Variants in DGCR8 observed in about 807,000 individuals in gnomAD.
The protein encoded by DGCR8 is microprocessor complex subunit DGCR8.
In DGCR8, 14 loss-of-function variants were observed where a neutral mutation model predicts 78.5. That is an observed-to-expected ratio of 0.18 (90% CI 0.12 to 0.28). DGCR8 has a LOEUF of 0.28. DGCR8 is among the 10% of genes least tolerant of loss of function. The probability of loss-of-function intolerance (pLI) is 1.00; values close to 1 mark genes in which losing one functional copy is unlikely to be tolerated. For synonymous variants in DGCR8, 399 were observed against 402.4 expected (o/e 0.99, Z 0.10); for missense variants, 702 against 1,022.5 (o/e 0.69, Z 4.28).
At chr22:20,084,219 C>G (rs991330769) in intron 1 of DGCR8, among the ~76,000 whole-genome samples, 18 of 152,268 alleles carry the variant, frequency 1.2e-4, no homozygotes, top group Admixed American at 1.1e-3. Flanking sequence ...ATGCCTTGTC[C>G]CTTGTTAAAT....
chr22:20,099,634 C>G (rs2049671295), intron 9 of DGCR8, among the ~76,000 whole-genome samples: 1 of 152,210 alleles, frequency 6.6e-6, no homozygotes, highest in Non-Finnish European at 1.5e-5. Flanking sequence ...TGTTGAAAGC[C>G]TTTCTTTAGT....
intron 3 of DGCR8, among the ~76,000 whole-genome samples, chr22:20,088,298 G>A (rs1315526607): frequency 6.6e-6 from 1 of 152,158 alleles, no homozygotes; most frequent in Non-Finnish European, 1.5e-5. Context: ...TCTTGACCTC[G>A]GGGCCTCTAG....
chr22:20,091,679 T>C lies in DGCR8; in HGVS notation c.1504+47T>C, dbSNP rs748345591. 3.1e-6 allele frequency: 5 copies of C among 1,601,792 alleles called. No homozygotes were observed. In the African/African-American group the frequency reaches 6.7e-5, roughly 21 times the overall value. On this transcript the variant is annotated intron_variant, in intron 6 of 13. Coordinates refer to ENST00000351989, the MANE Select transcript of DGCR8 (RefSeq NM_022720.7). Reference sequence around the variant, plus strand: ...CATCAGCAGACTGGTTATGCTGTTATTTCTAATGTGATGTGTTGAGGGCAT... The same window carrying C: ...CATCAGCAGACTGGTTATGCTGTTACTTCTAATGTGATGTGTTGAGGGCAT...
chr22:20,102,589 G>A (rs2049716520), intron 9 of DGCR8, among the ~76,000 whole-genome samples: 1 of 152,186 alleles, frequency 6.6e-6, no homozygotes, highest in Admixed American at 6.5e-5. Flanking sequence ...TGTGGCAGGT[G>A]CACGCTTATG....
At chr22:20,101,873 G>T in intron 9 of DGCR8, 3 of 985,412 alleles carry the variant, frequency 3.0e-6, no homozygotes, top group Non-Finnish European at 3.6e-6. Context: ...GACTCCGGAG[G>T]TGGGGTTGAC....
At chr22:20,105,562 A>T (rs1309182078) in intron 9 of DGCR8, among the ~76,000 whole-genome samples, 1 of 152,180 alleles carries the variant, frequency 6.6e-6, no homozygotes, top group Non-Finnish European at 1.5e-5. Context: ...CACTGTGTGG[A>T]ATCTCCCCAT....
chr22:20,111,234 G>T lies in DGCR8; in HGVS notation c.*1126G>T, dbSNP rs1602502042. 1 of 398,902 alleles carries T rather than the reference G, an allele frequency of 2.5e-6. No homozygotes were observed. The highest frequency in any genetic ancestry group is 3.6e-5 in the East Asian group (1 of 28,066). The allele number at this position is 398,902 out of a possible 1,614,324, so 24.7% of individuals were successfully genotyped here. A position where few individuals can be genotyped will look rare whatever the true frequency, so the allele number is the denominator to read the frequency against. ...TCTGAGGCACCAGGGTGTGCTCAAA[G>T]GCTGGCCCTGGTGGTGGACTGGCAC... is the stretch of plus-strand genomic sequence containing the variant. On this transcript the variant is annotated 3_prime_UTR_variant, in exon 14 of 14. Transcript: ENST00000351989.
In DGCR8 at chr22:20,085,143, C is replaced by T. The variant is rs1318049639; in HGVS notation, c.-277-544C>T. On this transcript the variant is annotated intron_variant, in intron 1 of 13. Coordinates refer to ENST00000351989, the MANE Select transcript of DGCR8 (RefSeq NM_022720.7). The surrounding 1 kb of genome is among the most constrained non-coding windows in gnomAD (Gnocchi z 6.2). ...CATCACTGTCCCCGTCCACGTGCTA[C>T]CCTGTGGGCCCAGGAGAGCCCTGGG... The T allele has an allele frequency of 4.4e-6, 3 of 684,544 alleles. No individual in the cohort carries two copies. In the African/African-American group the frequency reaches 5.8e-5, roughly 13 times the overall value. 42.4% of individuals were successfully genotyped at this position (684,544 alleles called of 1,614,324 possible).
chr22:20,088,408 G>A (rs1037260997), intron 3 of DGCR8, among the ~76,000 whole-genome samples: 5 of 152,214 alleles, frequency 3.3e-5, no homozygotes, highest in African/African-American at 1.2e-4. Context: ...TGGCCTGGAT[G>A]CCTGGATGTT....
intron 12 of DGCR8, 115 bp downstream of exon 12, chr22:20,107,513 G>A (rs2049784849): frequency 7.4e-7 from 1 of 1,349,224 alleles, no homozygotes; most frequent in Non-Finnish European, 1.0e-6. Context: ...GCTCACAGCT[G>A]CCTCTCTCCT....
chr22:20,109,144 T>A, intron 13 of DGCR8, 141 bp downstream of exon 13: 1 of 581,046 alleles, frequency 1.7e-6, no homozygotes, highest in Non-Finnish European at 3.1e-6. Context: ...AGATACAGGC[T>A]TTTCTTTGAG....
intron 11 of DGCR8, 122 bp from the exon 12 acceptor site, chr22:20,107,149 C>G: frequency 2.8e-6 from 3 of 1,086,898 alleles, no homozygotes; most frequent in South Asian, 2.6e-5. Flanking sequence ...GCTGCCTATT[C>G]CTGTAGAATG....
Position 20,089,896 on chromosome 22 carries a change from G to T in DGCR8, c.1024-80G>T. ...TCCACACACATGGCACCGCAGCCAA[G>T]CAGAGGCCGGTGAAAGGCATCAGAG... On this transcript the variant is annotated intron_variant, in intron 4 of 13. Transcript: ENST00000351989. This position sits in a 1 kb window ranked among gnomAD's most constrained non-coding sequence, Gnocchi z 4.9. The T allele has an allele frequency of 6.3e-7, 1 of 1,589,634 alleles. No individual in the cohort carries two copies. Among genetic ancestry groups the T allele is most frequent in the Non-Finnish European group, 8.6e-7 (1 of 1,165,702 alleles).
Position 20,090,273 on chromosome 22 carries a change from G to T in DGCR8, c.1306+15G>T. 1 of 1,576,968 alleles carries T rather than the reference G, an allele frequency of 6.3e-7. No homozygotes were observed. The highest frequency in any genetic ancestry group is 1.2e-5 in the South Asian group (1 of 85,544). On this transcript the variant is annotated intron_variant, in intron 5 of 13. Transcript: ENST00000351989. ...TGAATCCGTTGGTGAGTTTTTGAAG[G>T]ACTCTTCCCTTCTTGCCTCCTGGGA...
At chr22:20,099,592 C>T (rs1049811994) in intron 9 of DGCR8, among the ~76,000 whole-genome samples, 1 of 152,188 alleles carries the variant, frequency 6.6e-6, no homozygotes, top group Non-Finnish European at 1.5e-5. Flanking sequence ...TAGCAAGACT[C>T]GTTGTCTTTC....
chr22:20,081,744 T>G (rs2049420619), intron 1 of DGCR8, among the ~76,000 whole-genome samples: 1 of 152,158 alleles, frequency 6.6e-6, no homozygotes, highest in Non-Finnish European at 1.5e-5. Flanking sequence ...CTTCCATATC[T>G]CCATGTGTTA....
intron 11 of DGCR8, 54 bp downstream of exon 11, chr22:20,106,752 T>A: frequency 7.9e-7 from 1 of 1,271,264 alleles, no homozygotes; most frequent in South Asian, 1.2e-5. Flanking sequence ...GCCCCTGGTG[T>A]GGCCCTGCGC....
rs866121195 is a variant in DGCR8 at position 20,091,449 on chromosome 22, C to T, written c.1321C>T (p.Arg441Ter). Residue 441 changes from arginine to a stop codon, truncating the protein, a stop_gained, in exon 6 of 14, where the codon CGA becomes TGA. Coordinates refer to ENST00000351989, the MANE Select transcript of DGCR8 (RefSeq NM_022720.7). LOFTEE classifies it high-confidence loss of function. ...KDESVDLEEF[R>*]SYLEKRFDFE... The stretch of plus-strand genomic sequence containing the variant: ...ATCTGGGACAGATCTCGAGGAATTT[C>T]GAAGCTACCTGGAGAAGCGTTTTGA... The T allele has an allele frequency of 1.2e-6, 2 of 1,614,172 alleles. No individual in the cohort carries two copies. The highest frequency in any genetic ancestry group is 8.5e-7 in the Non-Finnish European group (1 of 1,180,032).
intron 9 of DGCR8, chr22:20,101,957 A>G (rs2049707710): frequency 4.1e-6 from 4 of 985,386 alleles, no homozygotes; most frequent in Non-Finnish European, 4.8e-6. Context: ...AAAAAGGGAA[A>G]AAAGGAACAA....
Sources: allele counts gnomAD v4.1 joint callset (sites outside exome capture counted in the v4.1 genomes callset), GRCh38; gene constraint gnomAD v4.1.1; non-coding constraint Gnocchi (gnomAD v3.1); transcripts MANE v1.5; gene names NCBI Gene and HGNC (gene_info 2026-07-23, HGNC 2026-07-21).